LRIF1: variants seen among roughly 807,000 people sequenced by gnomAD.
LRIF1 encodes the protein ligand-dependent nuclear receptor-interacting factor 1.
In LRIF1, 32 loss-of-function variants were observed where a neutral mutation model predicts 52.7. The ratio of observed to expected loss-of-function variants is 0.61; its 90% CI spans 0.46 to 0.82. The LOEUF (loss-of-function observed/expected upper bound fraction) is 0.82, where lower values mean the gene tolerates loss of function less well. LRIF1 is among the 40% of genes least tolerant of loss of function. The probability of loss-of-function intolerance (pLI) is 0.00; values close to 1 mark genes in which losing one functional copy is unlikely to be tolerated. For synonymous variants in LRIF1, 323 were observed against 317.4 expected, an observed-to-expected ratio of 1.02 and a Z score of -0.19; for missense variants, 887 against 892.0, an observed-to-expected ratio of 0.99 and a Z score of 0.07.
chr1:110,895,923 C>T, the LRIF1 span, among the ~76,000 whole-genome samples: 1 of 152,084 alleles, frequency 6.6e-6, no homozygotes, highest in Non-Finnish European at 1.5e-5. Flanking sequence ...CTTTTTAATA[C>T]ACCTAAAATT....
the LRIF1 span, among the ~76,000 whole-genome samples, chr1:110,875,590 G>T: frequency 6.6e-6 from 1 of 152,158 alleles, no homozygotes; most frequent in Admixed American, 6.5e-5. Flanking sequence ...GGCACTTCTT[G>T]TACCAAGCAA....
At chr1:110,899,090 T>C in the LRIF1 span, 148 of 1,573,818 alleles carry the variant, frequency 9.4e-5, no homozygotes, top group Non-Finnish European at 1.2e-4. Context: ...GCTTTTCTTA[T>C]GAAGACTTCA....
chr1:110,879,379 C>G, the LRIF1 span, among the ~76,000 whole-genome samples: 1 of 152,186 alleles, frequency 6.6e-6, no homozygotes, highest in Non-Finnish European at 1.5e-5. Flanking sequence ...TAACAGAATT[C>G]AAAACTAGAC....
At chr1:110,943,706 T>A (rs1658139756), downstream of LRIF1, 1 of 152,242 alleles carries the variant, frequency 6.6e-6, no homozygotes, top group Non-Finnish European at 1.5e-5. Context: ...GGCCACTCTT[T>A]TGGTTCTTCA....
the LRIF1 span, among the ~76,000 whole-genome samples, chr1:110,922,449 TTC>T: frequency 2.0e-5 from 3 of 152,176 alleles, no homozygotes; most frequent in Non-Finnish European, 4.4e-5. Flanking sequence ...GGAAATACAT[TTC>T]TGTTTTTAGA....
the LRIF1 span, among the ~76,000 whole-genome samples, chr1:110,928,285 T>C: frequency 6.6e-5 from 10 of 152,328 alleles, no homozygotes; most frequent in African/African-American, 2.4e-4. Flanking sequence ...CTAGCCTTCA[T>C]TGCAATTAGA....
chr1:110,940,406 T>C, the LRIF1 span: 3 of 152,124 alleles, frequency 2.0e-5, no homozygotes, highest in African/African-American at 4.8e-5. Flanking sequence ...ACAACTACTA[T>C]TGAGAACAGT....
At chr1:110,937,600 T>TA in the LRIF1 span, 1 of 152,098 alleles carries the variant, frequency 6.6e-6, no homozygotes, top group African/African-American at 2.4e-5. Flanking sequence ...GTGAAGTTTA[T>TA]AGCTATAAGT....
At chr1:110,908,754 C>A in the LRIF1 span, among the ~76,000 whole-genome samples, 20 of 151,960 alleles carry the variant, frequency 1.3e-4, no homozygotes, top group African/African-American at 4.8e-4. Flanking sequence ...GTAAAAGAGA[C>A]CAAACTCATT....
the LRIF1 span, among the ~76,000 whole-genome samples, chr1:110,928,149 T>A: frequency 6.6e-6 from 1 of 152,186 alleles, no homozygotes; most frequent in African/African-American, 2.4e-5. Flanking sequence ...ATTCTTTGTC[T>A]TTATAACCTA....
Position 110,963,865 on chromosome 1 carries a change from G to A in LRIF1, c.-177C>T. 2.0e-6 allele frequency: 1 copy of A among 489,672 alleles called. No homozygotes were observed. Among genetic ancestry groups the A allele is most frequent in the South Asian group, 2.6e-5 (1 of 37,860 alleles). 30.3% of individuals were successfully genotyped at this position (489,672 alleles called of 1,614,324 possible). The stretch of plus-strand genomic sequence containing the variant: ...GGCTCTCGAGAGGGTGTATCCCCAG[G>A]CTTCGGGACGAGGTCGCGCACCGCG... On this transcript the variant is annotated 5_prime_UTR_variant, in exon 1 of 4. Coordinates refer to ENST00000369763, the MANE Select transcript of LRIF1 (RefSeq NM_018372.4).
chr1:110,929,450 A>T, the LRIF1 span, among the ~76,000 whole-genome samples: 1 of 152,176 alleles, frequency 6.6e-6, no homozygotes, highest in Non-Finnish European at 1.5e-5. Flanking sequence ...TTTGAATAAT[A>T]GTCATTCTGA....
downstream of LRIF1, among the ~76,000 whole-genome samples, chr1:110,946,899 C>T (rs1038603590): frequency 2.0e-5 from 3 of 152,132 alleles, no homozygotes; most frequent in East Asian, 1.9e-4. Context: ...TCAGGTGATC[C>T]GCCCGCCTCG....
At chr1:110,897,584 C>G in the LRIF1 span, 1 of 403,584 alleles carries the variant, frequency 2.5e-6, no homozygotes, top group Non-Finnish European at 4.5e-6. Context: ...TCTAGGACTT[C>G]TACATTAGTT....
intron 1 of LRIF1, 176 bp downstream of exon 1, chr1:110,963,445 A>G: frequency 2.1e-6 from 1 of 486,314 alleles, no homozygotes; most frequent in Non-Finnish European, 3.8e-6. Flanking sequence ...CATTTCCCAG[A>G]GGAAAGCGCT....
At chr1:110,955,363 T>G (rs745758769) in intron 1 of LRIF1, among the ~76,000 whole-genome samples, 4 of 152,234 alleles carry the variant, frequency 2.6e-5, no homozygotes, top group Non-Finnish European at 5.9e-5. Flanking sequence ...CTTAGAATAC[T>G]ACAATAGCTT....
At chr1:110,878,987 G>GAA in the LRIF1 span, among the ~76,000 whole-genome samples, 8 of 151,536 alleles carry the variant, frequency 5.3e-5, no homozygotes, top group South Asian at 4.2e-4. Flanking sequence ...GGTACAAATG[G>GAA]AAAAAAAACA....
the LRIF1 span, among the ~76,000 whole-genome samples, chr1:110,895,612 G>A: frequency 1.3e-5 from 2 of 152,210 alleles, no homozygotes; most frequent in Non-Finnish European, 2.9e-5. Flanking sequence ...GCTTAGTGTG[G>A]AGTAGAAGAA....
chr1:110,916,340 T>C, the LRIF1 span, among the ~76,000 whole-genome samples: 90,270 of 152,042 alleles, frequency 0.59, 27,342 homozygotes, highest in East Asian at 0.84. Flanking sequence ...GGAAAGAAGA[T>C]GAACATATTG....
Sources: allele counts gnomAD v4.1 joint callset (sites outside exome capture counted in the v4.1 genomes callset), GRCh38; gene constraint gnomAD v4.1.1; transcripts MANE v1.5; gene names NCBI Gene and HGNC (gene_info 2026-07-23, HGNC 2026-07-21).